Variants in TRPM3 observed in about 807,000 individuals in gnomAD.
TRPM3 encodes long transient receptor potential channel 3.
A neutral mutation model predicts 181.2 loss-of-function variants in TRPM3; 77 were observed. That is an observed-to-expected ratio of 0.42 (90% CI 0.35 to 0.51). The LOEUF is 0.51. Ranked by LOEUF, TRPM3 falls within the 20% of genes least tolerant of loss-of-function variation. TRPM3 has a pLI of 0.01. For synonymous variants in TRPM3, 745 were observed against 796.4 expected (o/e 0.94, Z 1.09); for missense variants, 1,759 against 2,196.7 (o/e 0.80, Z 3.98).
intron 17 of TRPM3, among the ~76,000 whole-genome samples, chr9:70,616,772 A>C (rs1026838125): frequency 3.3e-5 from 5 of 152,114 alleles, no homozygotes; most frequent in Admixed American, 6.5e-5. Context: ...AGGAGAAGCC[A>C]GCGCTGTATT....
chr9:71,141,368 T>C (rs1408493917), intron 1 of TRPM3, among the ~76,000 whole-genome samples: 2 of 152,172 alleles, frequency 1.3e-5, no homozygotes, highest in Admixed American at 6.5e-5. Flanking sequence ...AAAATTCACA[T>C]GTAAGCTGGA....
intron 1 of TRPM3, among the ~76,000 whole-genome samples, chr9:71,261,042 G>A (rs1003353728): frequency 1.3e-5 from 2 of 152,144 alleles, no homozygotes; most frequent in African/African-American, 4.8e-5. Context: ...GAATTTGAAT[G>A]TTGGCCTGCC....
intron 1 of TRPM3, among the ~76,000 whole-genome samples, chr9:71,024,836 G>C (rs1251386286): frequency 6.6e-6 from 1 of 152,068 alleles, no homozygotes; most frequent in Non-Finnish European, 1.5e-5. Flanking sequence ...CTGATGCTTT[G>C]ACTATCTGAA....
At chr9:71,263,250 AT>A (rs2083182067) in intron 1 of TRPM3, among the ~76,000 whole-genome samples, 2 of 152,114 alleles carry the variant, frequency 1.3e-5, no homozygotes, top group Admixed American at 6.6e-5. Flanking sequence ...GTTTGCTTAC[AT>A]TTTTTTAAAC....
At chr9:71,082,961 A>G (rs1383945885) in intron 1 of TRPM3, among the ~76,000 whole-genome samples, 2 of 152,164 alleles carry the variant, frequency 1.3e-5, no homozygotes, top group Non-Finnish European at 2.9e-5. Context: ...AAGTCTTTAC[A>G]TAGAGATTGA....
intron 3 of TRPM3, among the ~76,000 whole-genome samples, chr9:70,849,129 GTTGTTTTTGTTA>G (rs1279175449): frequency 6.6e-6 from 1 of 152,156 alleles, no homozygotes; most frequent in African/African-American, 2.4e-5. Context: ...ACTGAAGGAA[GTTGTTTTTGTTA>G]TTGTTTTTGT....
At chr9:71,031,338 G>A (rs1438660071) in intron 1 of TRPM3, among the ~76,000 whole-genome samples, 1 of 152,134 alleles carries the variant, frequency 6.6e-6, no homozygotes, top group East Asian at 1.9e-4. Flanking sequence ...GCAGAATTAT[G>A]GTTAGCCTCA....
At chr9:71,404,867 T>TA (rs2093407787) in intron 1 of TRPM3, among the ~76,000 whole-genome samples, 1 of 152,320 alleles carries the variant, frequency 6.6e-6, no homozygotes, top group African/African-American at 2.4e-5. Flanking sequence ...CCCTGCCTGT[T>TA]ATACTTCTGT....
At chr9:70,991,856 T>A (rs1298549097) in intron 1 of TRPM3, among the ~76,000 whole-genome samples, 1 of 152,180 alleles carries the variant, frequency 6.6e-6, no homozygotes, top group Non-Finnish European at 1.5e-5. Context: ...CTGTTTCAAG[T>A]TCCCAGATAC....
intron 9 of TRPM3, among the ~76,000 whole-genome samples, chr9:70,670,787 G>GC (rs2062756095): frequency 6.6e-6 from 1 of 152,158 alleles, no homozygotes; most frequent in Non-Finnish European, 1.5e-5. Context: ...AGAGTAGAGT[G>GC]TCCGCCCTTA....
At chr9:71,334,595 T>C (rs1362883902) in intron 1 of TRPM3, among the ~76,000 whole-genome samples, 1 of 152,128 alleles carries the variant, frequency 6.6e-6, no homozygotes. Context: ...AAATAGCCAT[T>C]TCTATCTCTG....
chr9:70,622,461 G>A lies in TRPM3; in HGVS notation c.1810-1188C>T, dbSNP rs185796091. ...TATGTTTAGATTCTTTATGCTGGCC[G>A]TTTCCCTGTGCTGCTGCACATCAGG... On this transcript the variant is annotated intron_variant, in intron 14 of 25. Coordinates refer to ENST00000677713, the MANE Select transcript of TRPM3 (RefSeq NM_001366145.2). Among the ~76,000 whole-genome samples the A allele has an allele frequency of 2.2e-3, 335 of 152,322 alleles. 2 individuals are homozygous for A. The highest frequency in any genetic ancestry group is 7.4e-3 in the African/African-American group (306 of 41,582).
intron 1 of TRPM3, among the ~76,000 whole-genome samples, chr9:71,068,202 C>A (rs533681136): frequency 6.6e-6 from 1 of 152,304 alleles, no homozygotes; most frequent in South Asian, 2.1e-4. Context: ...CTCTGTTTTC[C>A]ATCTTACTGG....
intron 1 of TRPM3, among the ~76,000 whole-genome samples, chr9:71,036,995 ATAAAAT>A (rs2058285731): frequency 6.6e-6 from 1 of 152,232 alleles, no homozygotes; most frequent in Non-Finnish European, 1.5e-5. Flanking sequence ...TATTGAGATA[ATAAAAT>A]ATACAAGAGA....
intron 9 of TRPM3, among the ~76,000 whole-genome samples, chr9:70,653,950 G>T (rs759931176): frequency 1.3e-5 from 2 of 152,030 alleles, no homozygotes; most frequent in Non-Finnish European, 2.9e-5. Flanking sequence ...GACCTCTTTG[G>T]CTTTGTGGGT....
chr9:71,208,486 G>T (rs972472803), intron 1 of TRPM3, among the ~76,000 whole-genome samples: 2 of 152,140 alleles, frequency 1.3e-5, no homozygotes, highest in African/African-American at 4.8e-5. Context: ...AGCAGTTGTT[G>T]GTGTTGGTAT....
intron 22 of TRPM3, among the ~76,000 whole-genome samples, chr9:70,557,573 T>G (rs1171005089): frequency 2.0e-5 from 3 of 152,168 alleles, no homozygotes; most frequent in Admixed American, 6.6e-5. Context: ...AAGCAGCAGA[T>G]TCCAGGATGG....
intron 9 of TRPM3, 125 bp downstream of exon 9, chr9:70,681,381 T>G: frequency 1.3e-6 from 1 of 777,342 alleles, no homozygotes; most frequent in Non-Finnish European, 2.1e-6. Context: ...GAGAGACCCC[T>G]ATGTTATCAA....
At chr9:71,382,514 A>C (rs908949843) in intron 1 of TRPM3, among the ~76,000 whole-genome samples, 8 of 152,136 alleles carry the variant, frequency 5.3e-5, no homozygotes, top group African/African-American at 1.9e-4. Flanking sequence ...TCAGTGAAAA[A>C]CCAAACCAAC....
Sources: allele counts gnomAD v4.1 joint callset (sites outside exome capture counted in the v4.1 genomes callset), GRCh38; gene constraint gnomAD v4.1.1; transcripts MANE v1.5; gene names NCBI Gene and HGNC (gene_info 2026-07-23, HGNC 2026-07-21).